Variants in DCLK1 observed in about 807,000 individuals in gnomAD.
DCLK1 encodes the protein serine/threonine-protein kinase DCLK1.
A neutral mutation model predicts 86.2 loss-of-function variants in DCLK1; 16 were observed. The observed-to-expected ratio is 0.19, with a 90% CI of 0.13 to 0.28. The LOEUF is 0.28. DCLK1 is among the 10% of genes least tolerant of loss of function. The pLI, the probability that DCLK1 is intolerant of heterozygous loss-of-function variation, is 1.00. For synonymous variants in DCLK1, 369 were observed against 370.5 expected (o/e 1.00, Z 0.05); for missense variants, 590 against 940.2 (o/e 0.63, Z 4.87).
At chr13:35,926,826 T>C (rs1397703418) in intron 4 of DCLK1, among the ~76,000 whole-genome samples, 1 of 152,214 alleles carries the variant, frequency 6.6e-6, no homozygotes, top group Non-Finnish European at 1.5e-5. Flanking sequence ...AAGTAATTTG[T>C]CCAGGGTCAC....
chr13:35,844,879 G>A (rs761760664), intron 6 of DCLK1, among the ~76,000 whole-genome samples: 7 of 152,138 alleles, frequency 4.6e-5, no homozygotes, highest in African/African-American at 7.2e-5. Flanking sequence ...AATGTAATTC[G>A]AAGATTAAAG....
chr13:35,797,756 C>T (rs1236564076), intron 15 of DCLK1, among the ~76,000 whole-genome samples: 1 of 152,048 alleles, frequency 6.6e-6, no homozygotes, highest in Non-Finnish European at 1.5e-5. Context: ...GATAAAAAGA[C>T]TTAAACAATT....
intron 3 of DCLK1, among the ~76,000 whole-genome samples, chr13:35,958,600 A>T (rs1878279036): frequency 6.6e-6 from 1 of 152,198 alleles, no homozygotes; most frequent in South Asian, 2.1e-4. Context: ...CACTATCTCC[A>T]TAAGGGGAGC....
chr13:35,938,788 C>G (rs987319870), intron 4 of DCLK1, among the ~76,000 whole-genome samples: 25 of 152,078 alleles, frequency 1.6e-4, no homozygotes, highest in African/African-American at 6.0e-4. Flanking sequence ...CCTCCAAGAC[C>G]TTTAGTGTCC....
chr13:35,953,485 C>G (rs1231557674), intron 3 of DCLK1, among the ~76,000 whole-genome samples: 1 of 152,074 alleles, frequency 6.6e-6, no homozygotes, highest in Non-Finnish European at 1.5e-5. Context: ...ATTCCTTTGG[C>G]TCAAGGAAGA....
At chr13:35,980,469 C>T (rs527452583) in intron 3 of DCLK1, among the ~76,000 whole-genome samples, 26 of 152,162 alleles carry the variant, frequency 1.7e-4, no homozygotes, top group African/African-American at 6.3e-4. Context: ...AAAACACGGA[C>T]TCCGTGTTCC....
intron 3 of DCLK1, among the ~76,000 whole-genome samples, chr13:36,003,875 CT>C (rs1375421328): frequency 2.6e-5 from 4 of 152,038 alleles, no homozygotes; most frequent in Non-Finnish European, 5.9e-5. Flanking sequence ...GCCAATTTTT[CT>C]AATAATGAGC....
chr13:35,912,852 A>T (rs1875128594), intron 4 of DCLK1, among the ~76,000 whole-genome samples: 1 of 152,170 alleles, frequency 6.6e-6, no homozygotes, highest in African/African-American at 2.4e-5. Context: ...AGCAGAGCTA[A>T]GATAGCATTG....
At chr13:35,867,953 G>GAAAGAAAGAAAGAAAGAAA (rs1319556990) in intron 5 of DCLK1, among the ~76,000 whole-genome samples, 80 of 145,696 alleles carry the variant, frequency 5.5e-4, no homozygotes, top group African/African-American at 1.9e-3. Context: ...AAGAAAGAAA[G>GAAAGAAAGAAAGAAAGAAA]AAAGAAAGAA....
At chr13:35,922,386 C>A (rs544376477) in intron 4 of DCLK1, among the ~76,000 whole-genome samples, 3 of 152,142 alleles carry the variant, frequency 2.0e-5, no homozygotes, top group African/African-American at 4.8e-5. Flanking sequence ...ATGCCCTGCA[C>A]ACGGCATCAA....
intron 3 of DCLK1, among the ~76,000 whole-genome samples, chr13:35,955,589 C>A (rs1210896773): frequency 6.6e-6 from 1 of 152,114 alleles, no homozygotes; most frequent in African/African-American, 2.4e-5. Flanking sequence ...CAGACTAGAG[C>A]AAAGTGTAAA....
chr13:35,810,757 G>T, intron 12 of DCLK1, 78 bp downstream of exon 12: 1 of 1,543,494 alleles, frequency 6.5e-7, no homozygotes, highest in Non-Finnish European at 8.9e-7. Context: ...ATAGGGCACA[G>T]CAGTACTATT....
intron 3 of DCLK1, among the ~76,000 whole-genome samples, chr13:36,054,035 A>G (rs1476524128): frequency 6.6e-6 from 1 of 152,216 alleles, no homozygotes; most frequent in African/African-American, 2.4e-5. Flanking sequence ...TACATGTCTG[A>G]TGACAGCTTT....
chr13:36,103,641 T>C (rs1566013317), intron 3 of DCLK1, among the ~76,000 whole-genome samples: 3 of 151,118 alleles, frequency 2.0e-5, no homozygotes, highest in East Asian at 3.9e-4. Context: ...CTATTTAAAA[T>C]TGGATTTTTA....
At chr13:36,047,791 G>C (rs1882972078) in intron 3 of DCLK1, among the ~76,000 whole-genome samples, 1 of 152,104 alleles carries the variant, frequency 6.6e-6, no homozygotes, top group Admixed American at 6.6e-5. Context: ...ATGAGCAATA[G>C]TATATCAAAT....
In DCLK1 at chr13:36,008,230, T is replaced by A. The variant is rs1302908614; in HGVS notation, c.724-60773A>T. 2.9e-4 allele frequency among the ~76,000 whole-genome samples: 38 copies of A among 130,068 alleles called. 1 individual carries two copies. In the South Asian group the frequency reaches 8.4e-3, roughly 29 times the overall value. The allele number at this position is 130,068 out of a possible 152,430, so 85.3% of individuals were successfully genotyped here. On this transcript the variant is annotated intron_variant, in intron 3 of 16. Transcript: ENST00000360631. ...TATTATTATTATTATTATTATTATTTTTTTAATTATACTTTAAGTTTTAGG... is the reference window on the plus strand; with the variant it reads ...TATTATTATTATTATTATTATTATTATTTTAATTATACTTTAAGTTTTAGG...
intron 3 of DCLK1, among the ~76,000 whole-genome samples, chr13:35,993,958 A>G (rs1315922924): frequency 6.6e-6 from 1 of 152,138 alleles, no homozygotes; most frequent in African/African-American, 2.4e-5. Context: ...GGAGTGAGGG[A>G]AAGTGACCAG....
At chr13:35,844,430 C>T (rs2153108759) in intron 6 of DCLK1, among the ~76,000 whole-genome samples, 1 of 152,112 alleles carries the variant, frequency 6.6e-6, no homozygotes, top group East Asian at 1.9e-4. Context: ...TTTTTCTGGC[C>T]TCAATTGTCC....
chr13:35,851,075 A>C (rs1870594188), intron 6 of DCLK1, among the ~76,000 whole-genome samples: 1 of 152,102 alleles, frequency 6.6e-6, no homozygotes, highest in Non-Finnish European at 1.5e-5. Flanking sequence ...CTCCACTACT[A>C]TGTGACTAGG....
Sources: gnomAD v4.1 joint callset for allele counts (sites outside exome capture counted in the v4.1 genomes callset) on GRCh38, gnomAD v4.1.1 for gene constraint, MANE v1.5 for transcripts, NCBI Gene and HGNC (gene_info 2026-07-23, HGNC 2026-07-21) for gene names.